ATP2B2: variants seen among roughly 807,000 people sequenced by gnomAD.
ATP2B2 encodes the protein plasma membrane calcium-transporting ATPase 2.
Under a neutral mutation model 120.0 loss-of-function variants are expected in ATP2B2, and 15 were observed. The ratio of observed to expected loss-of-function variants is 0.12; its 90% CI spans 0.08 to 0.19. The LOEUF is 0.19. Ranked by LOEUF, ATP2B2 falls within the 10% of genes least tolerant of loss-of-function variation. The pLI is 1.00. For synonymous variants in ATP2B2, 694 were observed against 700.3 expected (o/e 0.99, Z 0.14); for missense variants, 1,045 against 1,719.8 (o/e 0.61, Z 6.94).
chr3:10,392,972 GA>G (rs1285976664), intron 5 of ATP2B2, among the ~76,000 whole-genome samples: 2 of 152,318 alleles, frequency 1.3e-5, no homozygotes, highest in South Asian at 2.1e-4. Flanking sequence ...GGCCCGTGTG[GA>G]CAGAATGACC....
At chr3:10,458,312 G>A (rs609561) in intron 1 of ATP2B2, among the ~76,000 whole-genome samples, 137,778 of 152,080 alleles carry the variant, frequency 0.91, 62,581 homozygotes, top group African/African-American at 0.94. Context: ...GAGCCCCCCA[G>A]TAACCTCAAC....
At chr3:10,564,201 G>A (rs2067961657) in intron 2 of ATP2B2, among the ~76,000 whole-genome samples, 1 of 152,168 alleles carries the variant, frequency 6.6e-6, no homozygotes, top group Non-Finnish European at 1.5e-5. Context: ...CTTGGGGGCT[G>A]ATCAATAATA....
chr3:10,584,039 G>A (rs560138742), intron 2 of ATP2B2, among the ~76,000 whole-genome samples: 13 of 152,356 alleles, frequency 8.5e-5, no homozygotes, highest in East Asian at 1.9e-4. Context: ...GGCAGACACA[G>A]CCGCTGCCCT....
chr3:10,659,362 G>C lies in ATP2B2; in HGVS notation c.-459-39401C>G, dbSNP rs558847125. On this transcript the variant is annotated intron_variant, in intron 1 of 21. Transcript: ENST00000646379. ...ATTCAGGAAACCCATCTCATGTGCA[G>C]AGACACACATAGGCTCAAAATAAAG... Among the ~76,000 whole-genome samples the C allele has an allele frequency of 4.6e-5, 7 of 152,286 alleles. No individual in the cohort carries two copies. The East Asian group carries it at 1.3e-3, about 29-fold the overall frequency.
At chr3:10,567,905 C>T (rs556613879) in intron 2 of ATP2B2, among the ~76,000 whole-genome samples, 45 of 152,072 alleles carry the variant, frequency 3.0e-4, no homozygotes, top group African/African-American at 9.9e-4. Flanking sequence ...CAAACTGTAC[C>T]GATAGGGACC....
intron 2 of ATP2B2, among the ~76,000 whole-genome samples, chr3:10,552,602 A>G (rs1359472872): frequency 6.6e-6 from 1 of 152,212 alleles, no homozygotes; most frequent in Non-Finnish European, 1.5e-5. Context: ...CTTTTATGTT[A>G]TTTGCTTCCT....
chr3:10,338,691 G>A, intron 21 of ATP2B2: 1 of 361,358 alleles, frequency 2.8e-6, no homozygotes. Context: ...AGACAACCCT[G>A]GTCCTGTGGC....
At chr3:10,656,566 A>T (rs1366373232) in intron 1 of ATP2B2, among the ~76,000 whole-genome samples, 1 of 152,172 alleles carries the variant, frequency 6.6e-6, no homozygotes, top group African/African-American at 2.4e-5. Context: ...CACCAGTCAA[A>T]TGCAGTAATT....
chr3:10,385,818 T>A lies in ATP2B2; in HGVS notation c.941-491A>T, dbSNP rs117472726. ...CTGGAAGAACATTTGCTAATGGTGA[T>A]GACTTTGACTTAACTGGATTCATGC... On this transcript the variant is annotated intron_variant, in intron 7 of 22. Coordinates refer to ENST00000360273, the MANE Select transcript of ATP2B2 (RefSeq NM_001001331.4). Among the ~76,000 whole-genome samples the A allele has an allele frequency of 8.4e-4, 128 of 152,362 alleles. 4 individuals are homozygous for A. In the East Asian group the frequency reaches 0.019, roughly 23 times the overall value.
chr3:10,708,046 C>G (rs1386758302), upstream of ATP2B2: 2 of 144,762 alleles, frequency 1.4e-5, no homozygotes, highest in Admixed American at 6.8e-5. Context: ...CTCGCCTGCC[C>G]CGCGGCCCCG....
rs541126626 is a variant in ATP2B2 at position 10,693,737 on chromosome 3, G to C, written c.-460+14178C>G. 2.0e-5 allele frequency among the ~76,000 whole-genome samples: 3 copies of C among 152,310 alleles called. No homozygotes were observed. The East Asian group carries it at 5.8e-4, about 29-fold the overall frequency. ...CTAGAATGCAAACTCCACGAGGACA[G>C]GAACTTGGTTTATTTTGGTTATGGT... is the stretch of plus-strand genomic sequence containing the variant. On this transcript the variant is annotated intron_variant, in intron 1 of 21. Coordinates refer to the ATP2B2 transcript ENST00000646379.
intron 1 of ATP2B2, among the ~76,000 whole-genome samples, chr3:10,466,165 G>C (rs370557662): frequency 7.2e-5 from 11 of 152,292 alleles, no homozygotes; most frequent in African/African-American, 2.6e-4. Flanking sequence ...GTCAATGCTG[G>C]TGGTCACAAA....
chr3:10,607,913 A>G (rs1388080385), intron 2 of ATP2B2, among the ~76,000 whole-genome samples: 2 of 152,098 alleles, frequency 1.3e-5, no homozygotes, highest in African/African-American at 4.8e-5. Context: ...TCCCAGTGTG[A>G]CCAGATTTGA....
intron 2 of ATP2B2, among the ~76,000 whole-genome samples, chr3:10,412,336 G>A (rs932643308): frequency 4.6e-5 from 7 of 152,208 alleles, no homozygotes; most frequent in Admixed American, 2.0e-4. Context: ...TGACCAGGAG[G>A]TGCGTGGCTC....
chr3:10,510,469 G>T (rs2066739569), upstream of ATP2B2, among the ~76,000 whole-genome samples: 1 of 152,248 alleles, frequency 6.6e-6, no homozygotes, highest in African/African-American at 2.4e-5. Flanking sequence ...GGGAGGTGGG[G>T]TGAATCTGGG....
At chr3:10,479,341 A>G (rs2065317246) in intron 1 of ATP2B2, among the ~76,000 whole-genome samples, 1 of 151,434 alleles carries the variant, frequency 6.6e-6, no homozygotes, top group South Asian at 2.1e-4. Context: ...CCCCCACCAC[A>G]TGGCCTTTGT....
In ATP2B2 at chr3:10,461,820, A is replaced by G. The variant is rs138329299; in HGVS notation, c.-319-11958T>C. Among the ~76,000 whole-genome samples, 238 of 151,198 alleles carry G rather than the reference A, an allele frequency of 1.6e-3. 2 individuals carry two copies. The highest frequency in any genetic ancestry group is 5.6e-3 in the African/African-American group (231 of 41,170). On this transcript the variant is annotated intron_variant, in intron 1 of 22. Coordinates refer to ENST00000360273, the MANE Select transcript of ATP2B2 (RefSeq NM_001001331.4). ...AGTCTGTGGCTCAAAATAATCTCCA[A>G]CTCCCTGGCCCTAACCATCCAAATG...
chr3:10,527,549 G>A (rs2067122443), intron 3 of ATP2B2, among the ~76,000 whole-genome samples: 1 of 152,152 alleles, frequency 6.6e-6, no homozygotes, highest in African/African-American at 2.4e-5. Context: ...GAGCTTGCCT[G>A]GGCCAGGGCT....
At chr3:10,486,972 C>T (rs1262105572) in intron 1 of ATP2B2, among the ~76,000 whole-genome samples, 1 of 152,144 alleles carries the variant, frequency 6.6e-6, no homozygotes, top group Non-Finnish European at 1.5e-5. Context: ...AAGTGATCTG[C>T]CTGCCTTGGC....
Sources: allele counts gnomAD v4.1 joint callset (sites outside exome capture counted in the v4.1 genomes callset), GRCh38; gene constraint gnomAD v4.1.1; transcripts MANE v1.5; gene names NCBI Gene and HGNC (gene_info 2026-07-23, HGNC 2026-07-21).